The following GAD2 variants were observed in gnomAD, a reference collection of about 807,000 sequenced individuals.
GAD2 encodes the protein 65 kDa glutamic acid decarboxylase.
In GAD2, 22 loss-of-function variants were observed where a neutral mutation model predicts 80.1. That is an observed-to-expected ratio of 0.27 (90% CI 0.20 to 0.39). The LOEUF (loss-of-function observed/expected upper bound fraction) is 0.39, where lower values mean the gene tolerates loss of function less well. Among genes scored for constraint, GAD2 ranks in the 10% least tolerant of loss-of-function variants. GAD2 has a pLI of 1.00. For missense variants in GAD2, 624 were observed against 738.4 expected (o/e 0.85, Z 1.80); for synonymous variants, 274 against 256.9 (o/e 1.07, Z -0.64).
rs754627728 is a variant in GAD2 at position 26,217,669 on chromosome 10, G to C, written c.136G>C (p.Ala46Pro). ...GGGCGGCATCGGAAACAAACTGTGC[G>C]GTGAGTGCCCAGGGACCGGGGCGGC... ...FTGGIGNKLCALLYGDAEKPA... is the reference protein window; with the variant it reads ...FTGGIGNKLCPLLYGDAEKPA... Residue 46 changes from alanine (A) to proline (P), a missense_variant and splice_region_variant, in exon 2 of 16, where the codon GCC becomes CCC. Physicochemically the swap from Ala to Pro is conservative, Grantham distance 27. Transcript: ENST00000376261. The surrounding 1 kb of genome is among the most constrained non-coding windows in gnomAD (Gnocchi z 4.9). 9 of 1,613,268 alleles carry C rather than the reference G, an allele frequency of 5.6e-6. No homozygotes were observed. The highest frequency in any genetic ancestry group is 8.5e-7 in the Non-Finnish European group (1 of 1,179,702).
intron 13 of GAD2, among the ~76,000 whole-genome samples, chr10:26,290,694 T>A (rs1008757912): frequency 5.9e-5 from 9 of 152,192 alleles, no homozygotes; most frequent in African/African-American, 2.2e-4. Flanking sequence ...TGGAGAATGA[T>A]CATGACCAGC....
chr10:26,217,791 G>A lies in GAD2; in HGVS notation c.137-51G>A. ...GCTGCGGGTAGGCGGGAGCGAGGGA[G>A]CCGGGCCCGGCGGAGGATTGACGAG... On this transcript the variant is annotated intron_variant, in intron 2 of 15. Coordinates refer to ENST00000376261, the MANE Select transcript of GAD2 (RefSeq NM_001134366.2). This position sits in a 1 kb window ranked among gnomAD's most constrained non-coding sequence, Gnocchi z 4.9. 6.3e-7 allele frequency: 1 copy of A among 1,579,604 alleles called. No individual in the cohort carries two copies. Among genetic ancestry groups the A allele is most frequent in the South Asian group, 1.1e-5 (1 of 88,076 alleles).
Position 26,216,842 on chromosome 10 carries a change from C to T in GAD2, c.33C>T (p.Phe11=), listed in dbSNP as rs7919405. 11,156 of 1,612,716 alleles carry T rather than the reference C, an allele frequency of 6.9e-3. 611 individuals carry two copies. In the African/African-American group the frequency reaches 0.12, roughly 18 times the overall value. Residue 11 remains phenylalanine, a synonymous_variant, in exon 1 of 16, where the codon TTC becomes TTT. Coordinates refer to ENST00000376261, the MANE Select transcript of GAD2 (RefSeq NM_001134366.2). This position sits in a 1 kb window ranked among gnomAD's most constrained non-coding sequence, Gnocchi z 4.7. MASPGSGFWS[F]GSEDGSGDSE... is the part of the protein sequence containing the mutation. ...CTCCGGGCTCTGGCTTTTGGTCTTTCGGGTCGGAAGATGGCTCTGGGGATT... is the reference window on the plus strand; with the variant it reads ...CTCCGGGCTCTGGCTTTTGGTCTTTTGGGTCGGAAGATGGCTCTGGGGATT...
chr10:26,278,354 C>T (rs570155271), intron 11 of GAD2, among the ~76,000 whole-genome samples: 1 of 152,366 alleles, frequency 6.6e-6, no homozygotes, highest in African/African-American at 2.4e-5. Flanking sequence ...AGATGAAATC[C>T]ATAGCAAAAG....
At chr10:26,218,336 G>T (rs977741140) in intron 3 of GAD2, 2 of 252,450 alleles carry the variant, frequency 7.9e-6, no homozygotes, top group Non-Finnish European at 1.5e-5. Flanking sequence ...GTGGGACTCA[G>T]TTTCCAAATA....
At chr10:26,223,579 C>T (rs929075266) in intron 4 of GAD2, among the ~76,000 whole-genome samples, 1 of 151,904 alleles carries the variant, frequency 6.6e-6, no homozygotes, top group Non-Finnish European at 1.5e-5. Flanking sequence ...GATTGCAAAC[C>T]ATATTTGTTA....
At chr10:26,294,994 A>G (rs1834257131) in intron 15 of GAD2, among the ~76,000 whole-genome samples, 1 of 152,194 alleles carries the variant, frequency 6.6e-6, no homozygotes, top group Admixed American at 6.5e-5. Context: ...AAGAGAATCC[A>G]TGGACTAGTT....
At chr10:26,230,453 C>T (rs1844587578) in intron 7 of GAD2, among the ~76,000 whole-genome samples, 1 of 149,606 alleles carries the variant, frequency 6.7e-6, no homozygotes, top group Admixed American at 6.6e-5. Flanking sequence ...TTGTTTGAGA[C>T]AATCTCGCTA....
In GAD2 at chr10:26,302,012, A is replaced by C. The variant is rs1834333791; in HGVS notation, c.*1051A>C. ...AAAATAAAACCTTATCAGCCTGAGC[A>C]AAGAGGAATGAAGCACACTCCCAGA... On this transcript the variant is annotated 3_prime_UTR_variant, in exon 16 of 16. Coordinates refer to ENST00000376261, the MANE Select transcript of GAD2 (RefSeq NM_001134366.2). 6.6e-6 allele frequency: 1 copy of C among 152,238 alleles called. No individual in the cohort carries two copies. The highest frequency in any genetic ancestry group is 1.5e-5 in the Non-Finnish European group (1 of 68,046). The allele number at this position is 152,238 out of a possible 1,614,324, so 9.4% of individuals were successfully genotyped here.
intron 8 of GAD2, among the ~76,000 whole-genome samples, chr10:26,254,963 G>A (rs1257811655): frequency 6.6e-6 from 1 of 152,236 alleles, no homozygotes; most frequent in Non-Finnish European, 1.5e-5. Context: ...CCCTGTCTGA[G>A]GTGAACCATT....
chr10:26,288,393 C>G (rs2132317298), intron 13 of GAD2, among the ~76,000 whole-genome samples: 1 of 152,294 alleles, frequency 6.6e-6, no homozygotes, highest in South Asian at 2.1e-4. Flanking sequence ...ACTGTGTTGC[C>G]TGGTAATGGT....
Position 26,238,352 on chromosome 10 carries a change from T to G in GAD2, c.841-7569T>G, listed in dbSNP as rs575222427. 5.9e-5 allele frequency among the ~76,000 whole-genome samples: 9 copies of G among 152,278 alleles called. No homozygotes were observed. In the East Asian group the frequency reaches 1.7e-3, roughly 29 times the overall value. On this transcript the variant is annotated intron_variant, in intron 7 of 15. Transcript: ENST00000376261. Reference sequence around the variant, plus strand: ...CAAACCCTCATCATTGTGCCTCACATCACCTCTTTCCATTACACACTTTCA... The same window carrying G: ...CAAACCCTCATCATTGTGCCTCACAGCACCTCTTTCCATTACACACTTTCA...
At chr10:26,267,753 C>T (rs967596079) in intron 8 of GAD2, among the ~76,000 whole-genome samples, 11 of 151,504 alleles carry the variant, frequency 7.3e-5, no homozygotes, top group East Asian at 1.9e-4. Context: ...TATTTTGTCA[C>T]GCCTCCTTTA....
intron 11 of GAD2, among the ~76,000 whole-genome samples, chr10:26,280,558 A>G (rs1334520710): frequency 6.6e-6 from 1 of 152,128 alleles, no homozygotes; most frequent in African/African-American, 2.4e-5. Context: ...CATTTATCTC[A>G]GTGAGCAGAG....
intron 12 of GAD2, among the ~76,000 whole-genome samples, chr10:26,284,763 G>A (rs190085938): frequency 6.6e-6 from 1 of 151,872 alleles, no homozygotes; most frequent in Admixed American, 6.6e-5. Context: ...TAGAGATGGG[G>A]TTTCACCGTG....
chr10:26,275,930 G>A (rs941115258), intron 11 of GAD2, among the ~76,000 whole-genome samples: 4 of 152,150 alleles, frequency 2.6e-5, no homozygotes, highest in Non-Finnish European at 4.4e-5. Context: ...AGAGGTGGAA[G>A]GATCATTGAG....
intron 15 of GAD2, among the ~76,000 whole-genome samples, chr10:26,296,401 G>C (rs966827655): frequency 2.6e-5 from 4 of 151,718 alleles, no homozygotes; most frequent in African/African-American, 4.9e-5. Flanking sequence ...GCACTATTTG[G>C]GGACAAATAT....
intron 6 of GAD2, 50 bp downstream of exon 6, chr10:26,224,701 C>A: frequency 7.6e-7 from 1 of 1,319,120 alleles, no homozygotes; most frequent in Non-Finnish European, 1.1e-6. Flanking sequence ...ATATGCAATG[C>A]CTTGTTGTAA....
rs118145617 is a variant in GAD2, at chr10:26,271,909, G to A, written c.1092+1153G>A. Among the ~76,000 whole-genome samples, 11 of 152,106 alleles carry A rather than the reference G, an allele frequency of 7.2e-5. No individual in the cohort carries two copies. In the East Asian group the frequency reaches 1.7e-3, roughly 24 times the overall value. On this transcript the variant is annotated intron_variant, in intron 10 of 15. Coordinates refer to ENST00000376261, the MANE Select transcript of GAD2 (RefSeq NM_001134366.2). ...TGAGTAGCTGGGATTACAGACGTGCGCACCCATGCCCAGCTAATTTTTGCA... is the reference window on the plus strand; with the variant it reads ...TGAGTAGCTGGGATTACAGACGTGCACACCCATGCCCAGCTAATTTTTGCA...
Sources: allele counts gnomAD v4.1 joint callset (sites outside exome capture counted in the v4.1 genomes callset), GRCh38; gene constraint gnomAD v4.1.1; non-coding constraint Gnocchi (gnomAD v3.1); transcripts MANE v1.5; gene names NCBI Gene and HGNC (gene_info 2026-07-23, HGNC 2026-07-21).